Variants in SPAG9 observed in about 807,000 individuals in gnomAD.
SPAG9 encodes the protein sperm associated antigen 9.
A neutral mutation model predicts 166.5 loss-of-function variants in SPAG9; 35 were observed. The observed-to-expected ratio is 0.21, with a 90% CI of 0.16 to 0.28. SPAG9 has a LOEUF of 0.28. SPAG9 is among the 10% of genes least tolerant of loss of function. SPAG9 has a pLI of 1.00. For synonymous variants in SPAG9, 534 were observed against 565.5 expected, an observed-to-expected ratio of 0.94 and a Z score of 0.79; for missense variants, 1,235 against 1,603.3, an observed-to-expected ratio of 0.77 and a Z score of 3.92.
At chr17:51,115,898 T>C (rs1248948522) in intron 1 of SPAG9, among the ~76,000 whole-genome samples, 2 of 152,194 alleles carry the variant, frequency 1.3e-5, no homozygotes, top group East Asian at 1.9e-4. Flanking sequence ...TTCGTTTTTA[T>C]GTGTAATCTC....
rs762911746 is a variant in SPAG9, at chr17:50,970,682, T to C, written c.3850+25A>G. 1.9e-6 allele frequency: 3 copies of C among 1,595,990 alleles called. No individual in the cohort carries two copies. In the South Asian group the frequency reaches 3.3e-5, roughly 18 times the overall value. On this transcript the variant is annotated intron_variant, in intron 29 of 29. Coordinates refer to ENST00000262013, the MANE Select transcript of SPAG9 (RefSeq NM_001130528.3). Reference sequence around the variant, plus strand: ...CCAAGTCATAGCACACAGTGCAAACTGAGCACCCAGAACCAATGACATACC... The same window carrying C: ...CCAAGTCATAGCACACAGTGCAAACCGAGCACCCAGAACCAATGACATACC...
At chr17:51,038,915 C>A (rs1264176219) in intron 5 of SPAG9, among the ~76,000 whole-genome samples, 1 of 152,124 alleles carries the variant, frequency 6.6e-6, no homozygotes, top group Non-Finnish European at 1.5e-5. Context: ...AGAACTTGTA[C>A]ATTTTTCTAG....
At chr17:50,977,488 T>G (rs373919144) in intron 26 of SPAG9, among the ~76,000 whole-genome samples, 87 of 152,206 alleles carry the variant, frequency 5.7e-4, no homozygotes, top group African/African-American at 2.0e-3. Flanking sequence ...GTGGGTAACA[T>G]AACATTATTA....
intron 27 of SPAG9, 102 bp from the exon 28 acceptor site, chr17:50,975,049 C>A: frequency 1.8e-6 from 2 of 1,111,760 alleles, no homozygotes; most frequent in Non-Finnish European, 2.5e-6. Context: ...AAAGCTACAG[C>A]CAGTTGAGAT....
chr17:51,001,639 CTTAAGT>C, intron 13 of SPAG9, 70 bp downstream of exon 13: 1 of 1,437,112 alleles, frequency 7.0e-7, no homozygotes, highest in Non-Finnish European at 9.4e-7. Context: ...CAGGGCAGGA[CTTAAGT>C]TCCACATGAA....
intron 1 of SPAG9, among the ~76,000 whole-genome samples, chr17:51,088,238 A>AC (rs1273449320): frequency 6.6e-6 from 1 of 152,198 alleles, no homozygotes; most frequent in Non-Finnish European, 1.5e-5. Flanking sequence ...TAAGCCACAC[A>AC]CCTATTCACA....
At chr17:51,053,351 T>C (rs895839669) in intron 3 of SPAG9, among the ~76,000 whole-genome samples, 2 of 151,640 alleles carry the variant, frequency 1.3e-5, no homozygotes, top group African/African-American at 4.8e-5. Flanking sequence ...TAGTGAGACC[T>C]TATCTCTACA....
rs557800476 is a variant in SPAG9 at position 51,047,089 on chromosome 17, C to T, written c.590+286G>A. ...GGGAGAAATAAAATATTTCAGCATT[C>T]CCATAAATTACAAAATTTTAAACCT... is the stretch of plus-strand genomic sequence containing the variant. On this transcript the variant is annotated intron_variant, in intron 4 of 29. Transcript: ENST00000262013. 8.6e-4 allele frequency: 268 copies of T among 312,800 alleles called. 1 individual carries two copies. The South Asian group carries it at 8.9e-3, about 10-fold the overall frequency. The allele number at this position is 312,800 out of a possible 1,614,324, so 19.4% of individuals were successfully genotyped here.
intron 10 of SPAG9, 77 bp downstream of exon 10, chr17:51,007,192 G>T: frequency 1.2e-6 from 1 of 815,546 alleles, no homozygotes; most frequent in Non-Finnish European, 2.0e-6. Context: ...TTAGTATTAT[G>T]TTAAAACGAT....
At chr17:50,993,349 T>TTA (rs1021787014) in intron 19 of SPAG9, among the ~76,000 whole-genome samples, 1 of 151,094 alleles carries the variant, frequency 6.6e-6, no homozygotes, top group Non-Finnish European at 1.5e-5. Context: ...AGAACTCATA[T>TTA]TAAGTATTCC....
chr17:51,086,873 G>C (rs2048321370), intron 1 of SPAG9, among the ~76,000 whole-genome samples: 1 of 152,104 alleles, frequency 6.6e-6, no homozygotes, highest in Non-Finnish European at 1.5e-5. Flanking sequence ...AGTGAGCTGA[G>C]ATGGTGCCAC....
intron 8 of SPAG9, among the ~76,000 whole-genome samples, chr17:51,016,537 A>G (rs1204067285): frequency 6.6e-6 from 1 of 152,240 alleles, no homozygotes; most frequent in Admixed American, 6.5e-5. Context: ...TGATTTAGTA[A>G]CAGGTCCACA....
At chr17:51,116,892 G>A (rs1007835743) in intron 1 of SPAG9, among the ~76,000 whole-genome samples, 8 of 152,186 alleles carry the variant, frequency 5.3e-5, no homozygotes, top group East Asian at 1.9e-4. Flanking sequence ...AGAAAGTGAG[G>A]AGCTAGCTAT....
intron 13 of SPAG9, among the ~76,000 whole-genome samples, chr17:51,000,721 A>C (rs2044900717): frequency 6.6e-6 from 1 of 151,064 alleles, no homozygotes; most frequent in African/African-American, 2.4e-5. Flanking sequence ...ACAGAGCAAG[A>C]CTCCATCACA....
intron 19 of SPAG9, among the ~76,000 whole-genome samples, chr17:50,992,049 C>T (rs529523664): frequency 8.6e-5 from 13 of 150,508 alleles, no homozygotes; most frequent in Middle Eastern, 6.9e-3. Context: ...GTTATCCTCC[C>T]GCCTCATTTT....
In SPAG9 at chr17:50,966,174, G is replaced by A. The variant is rs76972510; in HGVS notation, c.*98C>T. Reference sequence around the variant, plus strand: ...AAAAAATGCTCACACATTATGTGGTGAAACTTATCTCACAAAAGAGCATTA... The same window carrying A: ...AAAAAATGCTCACACATTATGTGGTAAAACTTATCTCACAAAAGAGCATTA... On this transcript the variant is annotated 3_prime_UTR_variant, in exon 30 of 30. Transcript: ENST00000262013. The A allele has an allele frequency of 8.5e-4, 685 of 806,986 alleles. 5 individuals carry two copies. The African/African-American group carries it at 9.5e-3, about 11-fold the overall frequency. The allele number at this position is 806,986 out of a possible 1,614,324, so 50.0% of individuals were successfully genotyped here. A position where few individuals can be genotyped will look rare whatever the true frequency, so the allele number is the denominator to read the frequency against.
chr17:51,001,694 T>C (rs767897735), intron 13 of SPAG9, 21 bp downstream of exon 13: 6 of 1,596,984 alleles, frequency 3.8e-6, no homozygotes, highest in African/African-American at 1.4e-5. Flanking sequence ...AGGAAAATAA[T>C]GGAGCGCTTG....
At chr17:51,018,268 G>A (rs1208575639) in intron 8 of SPAG9, among the ~76,000 whole-genome samples, 1 of 148,672 alleles carries the variant, frequency 6.7e-6, no homozygotes, top group Non-Finnish European at 1.5e-5. Context: ...GCTTGAACCC[G>A]GGGGAGGGGG....
At chr17:51,048,405 A>T (rs1395365126) in intron 3 of SPAG9, among the ~76,000 whole-genome samples, 4 of 152,064 alleles carry the variant, frequency 2.6e-5, no homozygotes, top group Admixed American at 1.3e-4. Context: ...ATTAAGAGGC[A>T]AGCAAAGGTT....
Sources: gnomAD v4.1 joint callset for allele counts (sites outside exome capture counted in the v4.1 genomes callset) on GRCh38, gnomAD v4.1.1 for gene constraint, MANE v1.5 for transcripts, NCBI Gene and HGNC (gene_info 2026-07-23, HGNC 2026-07-21) for gene names.